CELF2: variants seen among roughly 807,000 people sequenced by gnomAD.
CELF2 encodes CUG triplet repeat RNA-binding protein 2.
CELF2 carries 8 observed loss-of-function variants against 62.6 expected under a neutral mutation model. The observed-to-expected ratio is 0.13, with a 90% confidence interval of 0.07 to 0.23. The LOEUF (loss-of-function observed/expected upper bound fraction) is 0.23. Among genes scored for constraint, CELF2 ranks in the 10% least tolerant of loss-of-function variants. CELF2 has a pLI of 1.00. For missense variants in CELF2, 333 were observed against 671.0 expected (o/e 0.50, Z 5.56); for synonymous variants, 258 against 250.0 (o/e 1.03, Z -0.30).
the CELF2 span, among the ~76,000 whole-genome samples, chr10:10,550,979 T>G: frequency 6.6e-6 from 1 of 152,198 alleles, no homozygotes; most frequent in Non-Finnish European, 1.5e-5. Flanking sequence ...ATTACAGGCA[T>G]GAGCCACCAC....
chr10:10,864,188 C>A (rs1040529192), intron 1 of CELF2, among the ~76,000 whole-genome samples: 1 of 152,150 alleles, frequency 6.6e-6, no homozygotes. Flanking sequence ...AATATCCCAG[C>A]TCTGCCACCA....
At chr10:10,656,777 C>T in the CELF2 span, among the ~76,000 whole-genome samples, 182 of 138,174 alleles carry the variant, frequency 1.3e-3, 1 homozygote, top group African/African-American at 4.7e-3. Context: ...TGCTAGATGA[C>T]GAGTTAGTGG....
chr10:10,636,623 C>A, the CELF2 span, among the ~76,000 whole-genome samples: 1 of 152,174 alleles, frequency 6.6e-6, no homozygotes, highest in Non-Finnish European at 1.5e-5. Context: ...GAATTCGTAT[C>A]CAAGTCGACT....
At chr10:10,694,310 A>G in the CELF2 span, among the ~76,000 whole-genome samples, 1 of 151,260 alleles carries the variant, frequency 6.6e-6, no homozygotes, top group African/African-American at 2.4e-5. Flanking sequence ...GTTTCCATGT[A>G]GTTGAGCGGT....
At chr10:10,751,440 C>T in the CELF2 span, among the ~76,000 whole-genome samples, 220 of 152,286 alleles carry the variant, frequency 1.4e-3, 1 homozygote, top group African/African-American at 5.2e-3. Flanking sequence ...CTGAAGGGCA[C>T]AGAATGATAA....
intron 1 of CELF2, among the ~76,000 whole-genome samples, chr10:10,816,762 T>G (rs2056496410): frequency 6.6e-6 from 1 of 152,240 alleles, no homozygotes; most frequent in African/African-American, 2.4e-5. Context: ...GGTGATTCCA[T>G]GTAACGATTT....
the CELF2 span, among the ~76,000 whole-genome samples, chr10:10,522,349 C>G: frequency 7.5e-4 from 115 of 152,332 alleles, no homozygotes; most frequent in Middle Eastern, 6.8e-3. Context: ...TCTCTGCCAT[C>G]TCTTCCCAAT....
At chr10:11,180,373 G>A (rs1338556144) in intron 2 of CELF2, among the ~76,000 whole-genome samples, 4 of 152,176 alleles carry the variant, frequency 2.6e-5, no homozygotes, top group Non-Finnish European at 5.9e-5. Flanking sequence ...CCTAGACTAA[G>A]GGTTGACTTC....
the CELF2 span, among the ~76,000 whole-genome samples, chr10:10,547,182 C>A: frequency 6.6e-6 from 1 of 151,368 alleles, no homozygotes; most frequent in African/African-American, 2.4e-5. Flanking sequence ...GGGGAGACAA[C>A]TGTTTTGAAT....
At chr10:10,843,710 T>C (rs1359013964) in intron 1 of CELF2, among the ~76,000 whole-genome samples, 2 of 152,064 alleles carry the variant, frequency 1.3e-5, no homozygotes, top group Non-Finnish European at 2.9e-5. Flanking sequence ...ATCATTCATA[T>C]CCTTATCGAT....
intron 1 of CELF2, among the ~76,000 whole-genome samples, chr10:11,022,008 C>G (rs1393036305): frequency 6.6e-6 from 1 of 152,120 alleles, no homozygotes; most frequent in Non-Finnish European, 1.5e-5. Flanking sequence ...AAGGTTCCAG[C>G]AAGATAAAGA....
chr10:10,975,330 C>G (rs1162617570), intron 2 of CELF2, among the ~76,000 whole-genome samples: 1 of 152,126 alleles, frequency 6.6e-6, no homozygotes, highest in Non-Finnish European at 1.5e-5. Flanking sequence ...GTTGCAAAGG[C>G]TGGTGTCAAA....
At chr10:10,583,656 T>G in the CELF2 span, among the ~76,000 whole-genome samples, 1 of 152,202 alleles carries the variant, frequency 6.6e-6, no homozygotes, top group East Asian at 1.9e-4. Context: ...CCAGAGTTTA[T>G]TCTTTTCCAA....
At chr10:10,899,162 C>A (rs1437643179) in intron 1 of CELF2, among the ~76,000 whole-genome samples, 4 of 152,092 alleles carry the variant, frequency 2.6e-5, no homozygotes, top group Admixed American at 6.5e-5. Context: ...TCAGCTTCCA[C>A]ATTAAGAAAC....
chr10:10,556,778 G>A, the CELF2 span, among the ~76,000 whole-genome samples: 2 of 152,008 alleles, frequency 1.3e-5, no homozygotes, highest in Non-Finnish European at 2.9e-5. Flanking sequence ...TTTCTCTGAT[G>A]GCCAGTTATG....
the CELF2 span, among the ~76,000 whole-genome samples, chr10:10,641,201 C>A: frequency 6.6e-6 from 1 of 152,080 alleles, no homozygotes; most frequent in Non-Finnish European, 1.5e-5. Flanking sequence ...GGAATAATTC[C>A]GGTCATGTAC....
chr10:11,233,149 A>G (rs974563237), intron 3 of CELF2, among the ~76,000 whole-genome samples: 1 of 152,218 alleles, frequency 6.6e-6, no homozygotes, highest in Non-Finnish European at 1.5e-5. Flanking sequence ...TTCAGGCCCA[A>G]CACTGATTTT....
intron 2 of CELF2, chr10:10,951,998 A>G (rs1187157335): frequency 1.3e-5 from 2 of 152,352 alleles, no homozygotes; most frequent in Middle Eastern, 6.8e-3. Context: ...GCCACAGAAC[A>G]CCTTGGACTC....
At chr10:11,245,434 A>G (rs1053024874) in intron 3 of CELF2, among the ~76,000 whole-genome samples, 1 of 152,244 alleles carries the variant, frequency 6.6e-6, no homozygotes, top group South Asian at 2.1e-4. Context: ...AGTGCTTTGC[A>G]TACATTATCT....
Sources: gnomAD v4.1 joint callset for allele counts (sites outside exome capture counted in the v4.1 genomes callset) on GRCh38, gnomAD v4.1.1 for gene constraint, MANE v1.5 for transcripts, NCBI Gene and HGNC (gene_info 2026-07-23, HGNC 2026-07-21) for gene names.